Variants in ITSN1 observed in about 807,000 individuals in gnomAD.
ITSN1 encodes intersectin-1.
Under a neutral mutation model 239.8 loss-of-function variants are expected in ITSN1, and 58 were observed. The ratio of observed to expected loss-of-function variants is 0.24; its 90% confidence interval spans 0.20 to 0.30. The LOEUF (loss-of-function observed/expected upper bound fraction) is 0.30, where lower values mean the gene tolerates loss of function less well. Among genes scored for constraint, ITSN1 ranks in the 10% least tolerant of loss-of-function variants. The pLI is 1.00. For missense variants in ITSN1, 1,558 were observed against 2,103.3 expected, an observed-to-expected ratio of 0.74 and a Z score of 5.07; for synonymous variants, 780 against 770.8, an observed-to-expected ratio of 1.01 and a Z score of -0.20.
intron 33 of ITSN1, among the ~76,000 whole-genome samples, chr21:33,868,221 G>C (rs893022117): frequency 6.6e-6 from 1 of 152,132 alleles, no homozygotes; most frequent in African/African-American, 2.4e-5. Flanking sequence ...GATTCTCCAC[G>C]TCCCCACCAG....
intron 1 of ITSN1, among the ~76,000 whole-genome samples, chr21:33,708,271 T>G (rs1013769971): frequency 2.6e-5 from 4 of 151,866 alleles, no homozygotes; most frequent in Non-Finnish European, 5.9e-5. Flanking sequence ...TTCTAATGTA[T>G]GTGTTGCAAG....
In ITSN1 at chr21:33,810,072, A is replaced by G. The variant is rs12627564; in HGVS notation, c.2320-903A>G. Among the ~76,000 whole-genome samples, 1,083 of 152,294 alleles carry G rather than the reference A, an allele frequency of 7.1e-3. 45 individuals are homozygous for G. In the East Asian group the frequency reaches 0.12, roughly 17 times the overall value. ...CTCCCAAAGTGCTGGGATTACAGGC[A>G]TGAGCCACCGTGCCCAGCCCAAAAA... On this transcript the variant is annotated intron_variant, in intron 20 of 39. Transcript: ENST00000381318.
At chr21:33,777,969 G>A (rs566168236) in intron 14 of ITSN1, among the ~76,000 whole-genome samples, 1 of 151,994 alleles carries the variant, frequency 6.6e-6, no homozygotes, top group Non-Finnish European at 1.5e-5. Context: ...TTTTGCTGAG[G>A]GTTTTTATGA....
At chr21:33,812,569 G>A (rs559606056) in intron 21 of ITSN1, among the ~76,000 whole-genome samples, 21 of 152,234 alleles carry the variant, frequency 1.4e-4, no homozygotes, top group African/African-American at 4.8e-4. Context: ...CATGACCATG[G>A]CTCACAGCAC....
intron 33 of ITSN1, among the ~76,000 whole-genome samples, chr21:33,873,569 A>G (rs764705090): frequency 1.3e-5 from 2 of 152,226 alleles, no homozygotes; most frequent in African/African-American, 4.8e-5. Context: ...GAGGAACCTG[A>G]GACTCAGAAC....
intron 31 of ITSN1, among the ~76,000 whole-genome samples, 155 bp from the exon 32 acceptor site, chr21:33,864,996 A>G (rs1981310053): frequency 6.6e-6 from 1 of 152,134 alleles, no homozygotes; most frequent in Non-Finnish European, 1.5e-5. Context: ...CCCTAGACTC[A>G]TTTCTTTCTC....
intron 22 of ITSN1, among the ~76,000 whole-genome samples, chr21:33,816,152 C>G (rs904912851): frequency 2.8e-4 from 42 of 151,434 alleles, no homozygotes; most frequent in Non-Finnish European, 5.9e-4. Flanking sequence ...GAGATCACAC[C>G]ACTGCACTTC....
intron 4 of ITSN1, among the ~76,000 whole-genome samples, chr21:33,730,573 T>C (rs944003885): frequency 1.5e-4 from 23 of 151,780 alleles, no homozygotes; most frequent in Non-Finnish European, 3.4e-4. Flanking sequence ...GCTAATTTTT[T>C]GTATTTTTAG....
At chr21:33,821,466 T>C (rs553012078) in intron 24 of ITSN1, among the ~76,000 whole-genome samples, 4 of 152,298 alleles carry the variant, frequency 2.6e-5, no homozygotes, top group South Asian at 2.1e-4. Flanking sequence ...CCAGATAAAA[T>C]AGATGATTGG....
intron 31 of ITSN1, 90 bp downstream of exon 31, chr21:33,858,882 G>T: frequency 1.6e-6 from 1 of 640,706 alleles, no homozygotes; most frequent in Non-Finnish European, 2.7e-6. Context: ...CTTCTTGCAT[G>T]CTGCCCTGTG....
rs932788644 is a variant in ITSN1, at chr21:33,857,005, G to C, written c.3783+148G>C. On this transcript the variant is annotated intron_variant, in intron 30 of 39. Transcript: ENST00000381318. ...CATCTGGATGGCAAATGCTATAGGA[G>C]ATTGCGACCGCAGAGACGGTTCGTT... is the stretch of plus-strand genomic sequence containing the variant. 5 of 710,894 alleles carry C rather than the reference G, an allele frequency of 7.0e-6. No homozygotes were observed. In the African/African-American group the frequency reaches 8.9e-5, roughly 13 times the overall value. The allele number at this position is 710,894 out of a possible 1,614,324, so 44.0% of individuals were successfully genotyped here.
At chr21:33,783,749 TG>T (rs888587720) in intron 16 of ITSN1, among the ~76,000 whole-genome samples, 1 of 152,090 alleles carries the variant, frequency 6.6e-6, no homozygotes, top group African/African-American at 2.4e-5. Context: ...AATAGTCTCT[TG>T]GGATATAAAC....
In ITSN1 at chr21:33,895,695, ATGTG is replaced by A. The variant is rs760951660; in HGVS notation, c.*7400_*7403del. ...TGTTTGTGTGTGCGTGCATATGTGT[ATGTG>A]TGTGCGCGTGCGTGTGCGTGCATGT... On this transcript the variant is annotated 3_prime_UTR_variant, in exon 40 of 40. Transcript: ENST00000381318. 1.4e-5 allele frequency: 2 copies of A among 138,668 alleles called. No homozygotes were observed. Among genetic ancestry groups the A allele is most frequent in the Non-Finnish European group, 1.6e-5 (1 of 63,942 alleles). The allele number at this position is 138,668 out of a possible 1,614,324, so 8.6% of individuals were successfully genotyped here.
At chr21:33,706,762 A>ATTTC (rs2092263409) in intron 1 of ITSN1, among the ~76,000 whole-genome samples, 1 of 151,404 alleles carries the variant, frequency 6.6e-6, no homozygotes, top group Non-Finnish European at 1.5e-5. Context: ...TTATTTATTT[A>ATTTC]TTTTTTTTGG....
chr21:33,821,441 A>G (rs1205390214), intron 24 of ITSN1, among the ~76,000 whole-genome samples: 1 of 152,254 alleles, frequency 6.6e-6, no homozygotes, highest in East Asian at 1.9e-4. Context: ...AATCAAATTT[A>G]AAGTAAACTG....
chr21:33,776,944 T>C (rs994438249), intron 14 of ITSN1, among the ~76,000 whole-genome samples: 5 of 152,140 alleles, frequency 3.3e-5, no homozygotes, highest in Non-Finnish European at 7.3e-5. Flanking sequence ...TTTTTTCTTT[T>C]GGTGTTCATG....
chr21:33,684,193 A>G (rs975239438), intron 1 of ITSN1, among the ~76,000 whole-genome samples: 2 of 152,168 alleles, frequency 1.3e-5, no homozygotes, highest in East Asian at 1.9e-4. Context: ...CCATGTGACT[A>G]CTTATCTAAT....
intron 20 of ITSN1, among the ~76,000 whole-genome samples, chr21:33,806,271 A>C (rs1258228023): frequency 6.6e-6 from 1 of 152,074 alleles, no homozygotes; most frequent in African/African-American, 2.4e-5. Flanking sequence ...ATATTTCAAA[A>C]CCGGCAAATC....
At chr21:33,699,428 C>T (rs1453364847) in intron 1 of ITSN1, among the ~76,000 whole-genome samples, 1 of 152,126 alleles carries the variant, frequency 6.6e-6, no homozygotes, top group East Asian at 1.9e-4. Context: ...TAGAAATAGA[C>T]CTGTTAAAAT....
Sources: gnomAD v4.1 joint callset for allele counts (sites outside exome capture counted in the v4.1 genomes callset) on GRCh38, gnomAD v4.1.1 for gene constraint, MANE v1.5 for transcripts, NCBI Gene and HGNC (gene_info 2026-07-23, HGNC 2026-07-21) for gene names.